The following NOPCHAP1 variants were observed in gnomAD, a reference collection of about 807,000 sequenced individuals.
NOPCHAP1 encodes the protein NOP protein chaperone 1, also known as DNA damage-sensitive RNA 1.
Under a neutral mutation model 14.0 loss-of-function variants are expected in NOPCHAP1, and 13 were observed. The observed-to-expected ratio is 0.93, with a 90% CI of 0.60 to 1.47. NOPCHAP1 has a LOEUF of 1.47. Among genes scored for constraint, NOPCHAP1 ranks in the 40% most tolerant of loss-of-function variants. The pLI, the probability that NOPCHAP1 is intolerant of heterozygous loss-of-function variation, is 0.00. For synonymous variants in NOPCHAP1, 78 were observed against 78.4 expected (o/e 1.00, Z 0.03); for missense variants, 230 against 226.9 (o/e 1.01, Z -0.09).
rs1004679149 is a variant in NOPCHAP1, at chr12:105,017,016, T to C, written c.*22320T>C. ...TCAAACTTGTGGCGTACCGTCTTTC[T>C]ATGGCTCTGTGACAGTTACAGATCC... is the stretch of plus-strand genomic sequence containing the variant. On this transcript the variant is annotated 3_prime_UTR_variant, in exon 4 of 4. Transcript: ENST00000552951. The C allele has an allele frequency of 6.6e-5, 10 of 152,240 alleles. No individual in the cohort carries two copies. Among genetic ancestry groups the C allele is most frequent in the Non-Finnish European group, 1.5e-5 (1 of 68,048 alleles). 9.4% of individuals were successfully genotyped at this position (152,240 alleles called of 1,614,324 possible). A position where few individuals can be genotyped will look rare whatever the true frequency, so the allele number is the denominator to read the frequency against.
At chr12:104,987,682 C>T (rs769891009) in intron 1 of NOPCHAP1, among the ~76,000 whole-genome samples, 1 of 152,104 alleles carries the variant, frequency 6.6e-6, no homozygotes, top group Non-Finnish European at 1.5e-5. Context: ...ACAAAATCCC[C>T]AAAAGGCTGC....
At chr12:104,993,453 T>C (rs1238390827) in intron 3 of NOPCHAP1, among the ~76,000 whole-genome samples, 1 of 152,160 alleles carries the variant, frequency 6.6e-6, no homozygotes, top group Non-Finnish European at 1.5e-5. Flanking sequence ...TGTCTCTTGG[T>C]TCTGCTTTCC....
At chr12:104,992,670 G>T (rs535319029) in intron 3 of NOPCHAP1, among the ~76,000 whole-genome samples, 1 of 152,172 alleles carries the variant, frequency 6.6e-6, no homozygotes, top group Non-Finnish European at 1.5e-5. Context: ...GGAGGTGAGC[G>T]GTGGGTGAGA....
At chr12:104,991,672 A>C (rs1053886534) in intron 2 of NOPCHAP1, 40 bp from the exon 3 acceptor site, 1 of 1,544,864 alleles carries the variant, frequency 6.5e-7, no homozygotes, top group African/African-American at 1.4e-5. Flanking sequence ...TTCAGAATTT[A>C]CTAGCATAAA....
Position 104,999,182 on chromosome 12 carries a change from A to T in NOPCHAP1, c.*4486A>T, listed in dbSNP as rs1353990554. ...CACATGTACCCACACACTGGCAGGA[A>T]ATTGGAGGCGAGGTCTGTGTACACA... On this transcript the variant is annotated 3_prime_UTR_variant, in exon 4 of 4. Transcript: ENST00000552951. The T allele has an allele frequency of 3.3e-5, 5 of 152,204 alleles. No individual in the cohort carries two copies. Among genetic ancestry groups the T allele is most frequent in the African/African-American group, 1.2e-4 (5 of 41,378 alleles). 9.4% of individuals were successfully genotyped at this position (152,204 alleles called of 1,614,324 possible).
chr12:105,010,176 TC>T lies in NOPCHAP1; in HGVS notation c.*15482del, dbSNP rs1873787701. On this transcript the variant is annotated 3_prime_UTR_variant, in exon 4 of 4. Coordinates refer to ENST00000552951, the MANE Select transcript of NOPCHAP1 (RefSeq NM_152318.3). ...TGGTCTATTCAGGGATTCAACGTTT[TC>T]CTGGTTTAATCTTGGGAGAGTGTAT... The T allele has an allele frequency of 1.3e-5, 2 of 152,218 alleles. No individual in the cohort carries two copies. Among genetic ancestry groups the T allele is most frequent in the Admixed American group, 6.5e-5 (1 of 15,284 alleles). The allele number at this position is 152,218 out of a possible 1,614,324, so 9.4% of individuals were successfully genotyped here.
At chr12:104,988,048 A>T (rs999847040) in intron 1 of NOPCHAP1, 119 bp from the exon 2 acceptor site, 15 of 664,078 alleles carry the variant, frequency 2.3e-5, no homozygotes, top group Non-Finnish European at 3.5e-5. Context: ...TTAAAAAAAA[A>T]ATTTTGGGGG....
rs1666954653 is a variant in NOPCHAP1 at position 105,016,709 on chromosome 12, A to G, written c.*22013A>G. On this transcript the variant is annotated 3_prime_UTR_variant, in exon 4 of 4. Coordinates refer to ENST00000552951, the MANE Select transcript of NOPCHAP1 (RefSeq NM_152318.3). ...TAGGAAAGACCCGCCCCGATGATTC[A>G]GTTACCTCCCACCAGGTCCCTCCTA... 1 of 152,208 alleles carries G rather than the reference A, an allele frequency of 6.6e-6. No individual in the cohort carries two copies. Among genetic ancestry groups the G allele is most frequent in the East Asian group, 1.9e-4 (1 of 5,204 alleles). The allele number at this position is 152,208 out of a possible 1,614,324, so 9.4% of individuals were successfully genotyped here.
Position 105,004,424 on chromosome 12 carries a change from G to A in NOPCHAP1, c.*9728G>A, listed in dbSNP as rs1262311079. On this transcript the variant is annotated 3_prime_UTR_variant, in exon 4 of 4. Coordinates refer to ENST00000552951, the MANE Select transcript of NOPCHAP1 (RefSeq NM_152318.3). ...CTACTAAAAATATAAAAATTAGCTG[G>A]GCGTGGTGGCACGTGCCTGTAGTTC... is the stretch of plus-strand genomic sequence containing the variant. 6.6e-6 allele frequency: 1 copy of A among 152,136 alleles called. No individual in the cohort carries two copies. The highest frequency in any genetic ancestry group is 1.5e-5 in the Non-Finnish European group (1 of 68,042). 9.4% of individuals were successfully genotyped at this position (152,136 alleles called of 1,614,324 possible). A position where few individuals can be genotyped will look rare whatever the true frequency, so the allele number is the denominator to read the frequency against.
rs139736198 is a variant in NOPCHAP1 at position 104,996,278 on chromosome 12, C to G, written c.*1582C>G. On this transcript the variant is annotated 3_prime_UTR_variant, in exon 4 of 4. Coordinates refer to ENST00000552951, the MANE Select transcript of NOPCHAP1 (RefSeq NM_152318.3). ...TTCAGTTCATCCACTGGTACATCTG[C>G]ATAGCTCCTGAACAAGGTCCAGGAG... 8.5e-4 allele frequency: 130 copies of G among 152,238 alleles called. No homozygotes were observed. The highest frequency in any genetic ancestry group is 3.0e-3 in the African/African-American group (125 of 41,540). 9.4% of individuals were successfully genotyped at this position (152,238 alleles called of 1,614,324 possible).
Position 104,994,881 on chromosome 12 carries a change from G to C in NOPCHAP1, c.*185G>C. 1 of 595,270 alleles carries C rather than the reference G, an allele frequency of 1.7e-6. No homozygotes were observed. Among genetic ancestry groups the C allele is most frequent in the South Asian group, 2.0e-5 (1 of 50,358 alleles). 36.9% of individuals were successfully genotyped at this position (595,270 alleles called of 1,614,324 possible). A position where few individuals can be genotyped will look rare whatever the true frequency, so the allele number is the denominator to read the frequency against. On this transcript the variant is annotated 3_prime_UTR_variant, in exon 4 of 4. Transcript: ENST00000552951. The stretch of plus-strand genomic sequence containing the variant: ...AATGATTAATGAGTTAGGTAGCATT[G>C]TAAACTGAAAGGGGTTCAGAGACCT...
chr12:105,005,313 T>C lies in NOPCHAP1; in HGVS notation c.*10617T>C, dbSNP rs1873685580. 6.6e-6 allele frequency: 1 copy of C among 152,240 alleles called. No homozygotes were observed. The highest frequency in any genetic ancestry group is 2.4e-5 in the African/African-American group (1 of 41,464). 9.4% of individuals were successfully genotyped at this position (152,240 alleles called of 1,614,324 possible). On this transcript the variant is annotated 3_prime_UTR_variant, in exon 4 of 4. Coordinates refer to ENST00000552951, the MANE Select transcript of NOPCHAP1 (RefSeq NM_152318.3). ...CAGAGTGGGAGCAGGCTCAAGCAAGTGGCTCAAGAGTGCTGGTTAGAGAAT... is the reference window on the plus strand; with the variant it reads ...CAGAGTGGGAGCAGGCTCAAGCAAGCGGCTCAAGAGTGCTGGTTAGAGAAT...
rs1873654300 is a variant in NOPCHAP1, at chr12:105,003,667, T to C, written c.*8971T>C. 6.6e-6 allele frequency: 1 copy of C among 151,984 alleles called. No homozygotes were observed. Among genetic ancestry groups the C allele is most frequent in the Non-Finnish European group, 1.5e-5 (1 of 67,906 alleles). 9.4% of individuals were successfully genotyped at this position (151,984 alleles called of 1,614,324 possible). A position where few individuals can be genotyped will look rare whatever the true frequency, so the allele number is the denominator to read the frequency against. The stretch of plus-strand genomic sequence containing the variant: ...CACCAAAAACTTAATTGTTAAAACC[T>C]CTAGACAAATTAAATTTAACAGTTT... On this transcript the variant is annotated 3_prime_UTR_variant, in exon 4 of 4. Transcript: ENST00000552951.
rs947807240 is a variant in NOPCHAP1, at chr12:105,011,759, G to A, written c.*17063G>A. 1 of 152,160 alleles carries A rather than the reference G, an allele frequency of 6.6e-6. No homozygotes were observed. Among genetic ancestry groups the A allele is most frequent in the African/African-American group, 2.4e-5 (1 of 41,436 alleles). The allele number at this position is 152,160 out of a possible 1,614,324, so 9.4% of individuals were successfully genotyped here. ...CTCGTTCGCTTATGAAGCTTAGTTTGGCTGGATATGAAATTCTGGGTTGAA... is the reference window on the plus strand; with the variant it reads ...CTCGTTCGCTTATGAAGCTTAGTTTAGCTGGATATGAAATTCTGGGTTGAA... On this transcript the variant is annotated 3_prime_UTR_variant, in exon 4 of 4. Coordinates refer to ENST00000552951, the MANE Select transcript of NOPCHAP1 (RefSeq NM_152318.3).
chr12:105,009,477 C>T lies in NOPCHAP1; in HGVS notation c.*14781C>T, dbSNP rs1475503635. On this transcript the variant is annotated 3_prime_UTR_variant, in exon 4 of 4. Coordinates refer to ENST00000552951, the MANE Select transcript of NOPCHAP1 (RefSeq NM_152318.3). ...TATTTCTTTCTCTTGCCTGCTTGCC[C>T]TGACCAGAACTTCCAATACTATGTT... 1 of 152,140 alleles carries T rather than the reference C, an allele frequency of 6.6e-6. No individual in the cohort carries two copies. The highest frequency in any genetic ancestry group is 1.5e-5 in the Non-Finnish European group (1 of 68,016). 9.4% of individuals were successfully genotyped at this position (152,140 alleles called of 1,614,324 possible). A position where few individuals can be genotyped will look rare whatever the true frequency, so the allele number is the denominator to read the frequency against.
At chr12:104,989,075 T>C (rs1873318168) in intron 2 of NOPCHAP1, among the ~76,000 whole-genome samples, 1 of 152,064 alleles carries the variant, frequency 6.6e-6, no homozygotes, top group Admixed American at 6.5e-5. Context: ...TATGAGAGTT[T>C]AGTTGCTGCA....
rs1196761873 is a variant in NOPCHAP1 at position 105,011,888 on chromosome 12, G to A, written c.*17192G>A. 6.6e-6 allele frequency: 1 copy of A among 152,026 alleles called. No homozygotes were observed. The highest frequency in any genetic ancestry group is 2.4e-5 in the African/African-American group (1 of 41,390). 9.4% of individuals were successfully genotyped at this position (152,026 alleles called of 1,614,324 possible). On this transcript the variant is annotated 3_prime_UTR_variant, in exon 4 of 4. Transcript: ENST00000552951. ...TTAGTCTGATGGGCTTCCCTTTTTG[G>A]GTAATTCAACCTTTCTCTCTGGCTG...
chr12:104,991,966 A>G, intron 3 of NOPCHAP1, 118 bp downstream of exon 3: 2 of 1,213,400 alleles, frequency 1.6e-6, no homozygotes, highest in African/African-American at 3.1e-5. Context: ...TCATGTTTCC[A>G]ATGTTGTATA....
In NOPCHAP1 at chr12:104,991,738, C is replaced by T; in HGVS notation, c.229C>T (p.Pro77Ser). 6.2e-7 allele frequency: 1 copy of T among 1,613,430 alleles called. No homozygotes were observed. Among genetic ancestry groups the T allele is most frequent in the Non-Finnish European group, 8.5e-7 (1 of 1,179,820 alleles). Residue 77 changes from proline to serine, a missense_variant, in exon 3 of 4, where the codon CCA (proline) becomes TCA (serine). Transcript: ENST00000552951. ...ATTGGACCAGGTACAGACATTTCTCCCACAGATGGCACGGGCAAATGAAAA... is the reference window on the plus strand; with the variant it reads ...ATTGGACCAGGTACAGACATTTCTCTCACAGATGGCACGGGCAAATGAAAA... Reference protein sequence around the residue: ...PLLDQVQTFLPQMARANEKLR... With the variant: ...PLLDQVQTFLSQMARANEKLR...
Sources: allele counts gnomAD v4.1 joint callset (sites outside exome capture counted in the v4.1 genomes callset), GRCh38; gene constraint gnomAD v4.1.1; transcripts MANE v1.5; gene names NCBI Gene and HGNC (gene_info 2026-07-23, HGNC 2026-07-21).